Variants in USP6NL observed in about 807,000 individuals in gnomAD.
The protein encoded by USP6NL is USP6 N-terminal like, also known as USP6 N-terminal-like protein.
USP6NL carries 26 observed loss-of-function variants against 61.9 expected under a neutral mutation model. The observed-to-expected ratio is 0.42, with a 90% CI of 0.31 to 0.58. The LOEUF (loss-of-function observed/expected upper bound fraction) is 0.58, where lower values mean the gene tolerates loss of function less well. Ranked by LOEUF, USP6NL falls within the 20% of genes least tolerant of loss-of-function variation. The pLI, the probability that USP6NL is intolerant of heterozygous loss-of-function variation, is 0.16. For synonymous variants in USP6NL, 432 were observed against 390.1 expected (o/e 1.11, Z -1.27); for missense variants, 1,114 against 1,034.3 (o/e 1.08, Z -1.06).
At chr10:11,606,950 C>T (rs1838725739) in intron 1 of USP6NL, among the ~76,000 whole-genome samples, 2 of 152,114 alleles carry the variant, frequency 1.3e-5, no homozygotes, top group East Asian at 3.9e-4. Flanking sequence ...CCACCATGCC[C>T]CACTAATTTT....
intron 2 of USP6NL, among the ~76,000 whole-genome samples, chr10:11,590,057 C>G (rs1412390905): frequency 1.3e-5 from 2 of 152,182 alleles, no homozygotes; most frequent in Non-Finnish European, 2.9e-5. Flanking sequence ...ATTCATGATA[C>G]AAACATACAG....
At position 11,537,423 on chromosome 10, in the gene USP6NL, T is replaced by G. The variant is rs1194850195; in HGVS notation, c.5-9856A>C. On this transcript the variant is annotated intron_variant, in intron 2 of 14. Transcript: ENST00000609104. The surrounding 1 kb of genome is among the most constrained non-coding windows in gnomAD (Gnocchi z 5.1). ...CACAAAGCCCGGCCTACTCCTCTAG[T>G]TTAAGTATGCATTATCTGATACAAT... 6.6e-6 allele frequency among the ~76,000 whole-genome samples: 1 copy of G among 152,158 alleles called. No homozygotes were observed. The highest frequency in any genetic ancestry group is 1.5e-5 in the Non-Finnish European group (1 of 68,032).
chr10:11,526,406 C>T (rs751727467), intron 3 of USP6NL, among the ~76,000 whole-genome samples: 9 of 152,076 alleles, frequency 5.9e-5, no homozygotes, highest in Non-Finnish European at 1.3e-4. Context: ...AGGCCCAGCA[C>T]GATGCCTGGA....
intron 2 of USP6NL, among the ~76,000 whole-genome samples, chr10:11,534,497 G>T (rs946570552): frequency 6.6e-6 from 1 of 152,224 alleles, no homozygotes; most frequent in African/African-American, 2.4e-5. Context: ...AACATAAGGT[G>T]TCTTAGAAGA....
intron 13 of USP6NL, among the ~76,000 whole-genome samples, 197 bp downstream of exon 13, chr10:11,484,774 G>C (rs998926): frequency 0.11 from 17,230 of 152,188 alleles, 1,288 homozygotes; most frequent in East Asian, 0.16. Context: ...GACCTTTGCA[G>C]TGAAGTAAGC....
In USP6NL at chr10:11,495,383, C is replaced by T. The variant is rs938810003; in HGVS notation, c.385-2155G>A. Among the ~76,000 whole-genome samples the T allele has an allele frequency of 6.6e-6, 1 of 152,178 alleles. No individual in the cohort carries two copies. Among genetic ancestry groups the T allele is most frequent in the Non-Finnish European group, 1.5e-5 (1 of 68,030 alleles). On this transcript the variant is annotated intron_variant, in intron 7 of 14. Transcript: ENST00000609104. The surrounding 1 kb of genome is among the most constrained non-coding windows in gnomAD (Gnocchi z 4.6). ...TTTATATTTTATTATACTGGAACAG[C>T]TCGTGTCCTCGGTCTCTTGCCTCAG...
intron 6 of USP6NL, among the ~76,000 whole-genome samples, chr10:11,505,019 A>G (rs1030867695): frequency 2.6e-5 from 4 of 152,232 alleles, no homozygotes; most frequent in African/African-American, 9.6e-5. Context: ...GGTTAGGGAC[A>G]AAGTTGCTGG....
At chr10:11,542,945 G>A (rs1450429928) in intron 2 of USP6NL, among the ~76,000 whole-genome samples, 1 of 152,044 alleles carries the variant, frequency 6.6e-6, no homozygotes, top group Non-Finnish European at 1.5e-5. Context: ...TCACAACTGG[G>A]TAATCTACCG....
intron 14 of USP6NL, among the ~76,000 whole-genome samples, chr10:11,464,498 C>G (rs1488428008): frequency 6.6e-6 from 1 of 152,222 alleles, no homozygotes; most frequent in Non-Finnish European, 1.5e-5. Flanking sequence ...CAAAGGCTCA[C>G]CACTAGCAAG....
chr10:11,472,824 T>A (rs542329776), intron 14 of USP6NL, among the ~76,000 whole-genome samples: 1 of 152,358 alleles, frequency 6.6e-6, no homozygotes, highest in Non-Finnish European at 1.5e-5. Context: ...CTTGACTTTT[T>A]TTCCCAGCAG....
chr10:11,577,376 A>G (rs140029229), intron 2 of USP6NL, among the ~76,000 whole-genome samples: 49 of 151,802 alleles, frequency 3.2e-4, no homozygotes, highest in Admixed American at 1.1e-3. Flanking sequence ...GAATTCTTAC[A>G]TATCTTTCAT....
At chr10:11,535,550 GAGCAA>G (rs1835798823) in intron 2 of USP6NL, among the ~76,000 whole-genome samples, 1 of 152,220 alleles carries the variant, frequency 6.6e-6, no homozygotes, top group Non-Finnish European at 1.5e-5. Context: ...CTGAGATGCA[GAGCAA>G]AGCAGTCACC....
chr10:11,471,140 G>A (rs961013877), intron 14 of USP6NL, among the ~76,000 whole-genome samples: 4 of 151,982 alleles, frequency 2.6e-5, no homozygotes, highest in Non-Finnish European at 4.4e-5. Flanking sequence ...AGCCGAGAAC[G>A]CCACTGCACT....
At position 11,490,793 on chromosome 10, in the gene USP6NL, T is replaced by A. The variant is rs1833682887; in HGVS notation, c.543+39A>T. On this transcript the variant is annotated intron_variant, in intron 9 of 14. Transcript: ENST00000609104. The surrounding 1 kb of genome is among the most constrained non-coding windows in gnomAD (Gnocchi z 4.5). ...CTGCTAAGTAGGGAGTACCTCAGAA[T>A]ACAACTCAAAGACCTTGGGCAGGCA... 2 of 1,542,022 alleles carry A rather than the reference T, an allele frequency of 1.3e-6. No homozygotes were observed. The highest frequency in any genetic ancestry group is 2.8e-5 in the African/African-American group (2 of 72,396).
chr10:11,537,286 A>G lies in USP6NL; in HGVS notation c.5-9719T>C, dbSNP rs557890169. Among the ~76,000 whole-genome samples the G allele has an allele frequency of 6.6e-6, 1 of 152,042 alleles. No homozygotes were observed. The highest frequency in any genetic ancestry group is 1.9e-4 in the East Asian group (1 of 5,160). On this transcript the variant is annotated intron_variant, in intron 2 of 14. Transcript: ENST00000609104. This position sits in a 1 kb window ranked among gnomAD's most constrained non-coding sequence, Gnocchi z 5.1. ...GCTACCCTGTCTAGCTAATACTTGT[A>G]TTTTTTGTCGAGACGGGATTTTGCC...
intron 2 of USP6NL, among the ~76,000 whole-genome samples, chr10:11,560,931 A>T (rs909863802): frequency 6.6e-6 from 1 of 152,006 alleles, no homozygotes; most frequent in Admixed American, 6.6e-5. Flanking sequence ...TATTAAAAGC[A>T]GATACACTAA....
rs184587617 is a variant in USP6NL, at chr10:11,560,513, A to G, written c.5-32946T>C. ...TTTTTTTCTTATATAACTCTGCCCTAAAACATGCTACCCCCCTCCTTTCCT... is the reference window on the plus strand; with the variant it reads ...TTTTTTTCTTATATAACTCTGCCCTGAAACATGCTACCCCCCTCCTTTCCT... On this transcript the variant is annotated intron_variant, in intron 2 of 14. Coordinates refer to ENST00000609104, the MANE Select transcript of USP6NL (RefSeq NM_014688.5). Among the ~76,000 whole-genome samples, 523 of 151,906 alleles carry G rather than the reference A, an allele frequency of 3.4e-3. 2 individuals carry two copies. The highest frequency in any genetic ancestry group is 0.012 in the African/African-American group (511 of 41,446).
chr10:11,579,552 C>G (rs1837668755), intron 2 of USP6NL, among the ~76,000 whole-genome samples: 1 of 152,174 alleles, frequency 6.6e-6, no homozygotes. Flanking sequence ...ACAGGAACTT[C>G]CCCATTTTCT....
intron 2 of USP6NL, among the ~76,000 whole-genome samples, chr10:11,586,089 T>C (rs1256799679): frequency 6.6e-6 from 1 of 152,214 alleles, no homozygotes; most frequent in African/African-American, 2.4e-5. Flanking sequence ...CTGTGTACTT[T>C]ACCATAATTT....
Sources: allele counts gnomAD v4.1 joint callset (sites outside exome capture counted in the v4.1 genomes callset), GRCh38; gene constraint gnomAD v4.1.1; non-coding constraint Gnocchi (gnomAD v3.1); transcripts MANE v1.5; gene names NCBI Gene and HGNC (gene_info 2026-07-23, HGNC 2026-07-21).